The following KIAA0753 variants were observed in gnomAD, a reference collection of about 807,000 sequenced individuals.
KIAA0753 encodes KIAA0753, also known as protein moonraker.
Under a neutral mutation model 116.9 loss-of-function variants are expected in KIAA0753, and 114 were observed. The observed-to-expected ratio is 0.98, with a 90% CI of 0.84 to 1.14. KIAA0753 has a LOEUF of 1.14. Among genes scored for constraint, KIAA0753 ranks in the 50% most tolerant of loss-of-function variants. The pLI is 0.00. For synonymous variants in KIAA0753, 405 were observed against 413.1 expected, an observed-to-expected ratio of 0.98 and a Z score of 0.24; for missense variants, 1,156 against 1,172.4, an observed-to-expected ratio of 0.99 and a Z score of 0.20.
At chr17:6,625,051 C>A (rs566891546) in intron 3 of KIAA0753, among the ~76,000 whole-genome samples, 190 bp from the exon 4 acceptor site, 150 of 152,298 alleles carry the variant, frequency 9.8e-4, no homozygotes, top group African/African-American at 3.6e-3. Context: ...GAGCTGTGTA[C>A]TGACTGAGAG....
At chr17:6,602,283 A>C (rs1280981352) in intron 12 of KIAA0753, among the ~76,000 whole-genome samples, 1 of 152,264 alleles carries the variant, frequency 6.6e-6, no homozygotes, top group African/African-American at 2.4e-5. Flanking sequence ...CCCAAGAGAA[A>C]TGAAAGCATA....
At chr17:6,630,235 A>G (rs1971942944) in intron 2 of KIAA0753, among the ~76,000 whole-genome samples, 1 of 152,120 alleles carries the variant, frequency 6.6e-6, no homozygotes, top group African/African-American at 2.4e-5. Context: ...TAAGTACATA[A>G]AAAGATGTTC....
chr17:6,636,155 A>G (rs963493861), intron 1 of KIAA0753: 3 of 152,212 alleles, frequency 2.0e-5, no homozygotes, highest in African/African-American at 7.2e-5. Context: ...AAGCTTTTGA[A>G]TAAATCCAAA....
chr17:6,580,931 C>CA (rs1968130505), intron 18 of KIAA0753, among the ~76,000 whole-genome samples: 1 of 126,996 alleles, frequency 7.9e-6, no homozygotes, highest in African/African-American at 4.1e-5. Flanking sequence ...CACACACACA[C>CA]CTTCATTTTC....
chr17:6,598,783 T>C (rs1969651463), intron 14 of KIAA0753, among the ~76,000 whole-genome samples: 1 of 152,254 alleles, frequency 6.6e-6, no homozygotes, highest in Admixed American at 6.5e-5. Flanking sequence ...CACCTTTTTC[T>C]CTCTGCTAGA....
At chr17:6,607,424 C>T (rs1376700681) in intron 10 of KIAA0753, among the ~76,000 whole-genome samples, 154 bp from the exon 11 acceptor site, 1 of 152,128 alleles carries the variant, frequency 6.6e-6, no homozygotes, top group East Asian at 1.9e-4. Flanking sequence ...CTCTCCGTAC[C>T]CCTAAAGCTC....
Position 6,606,931 on chromosome 17 carries a change from T to C in KIAA0753, c.1951A>G (p.Arg651Gly), listed in dbSNP as rs1277285750. 1 of 1,614,146 alleles carries C rather than the reference T, an allele frequency of 6.2e-7. No homozygotes were observed. The highest frequency in any genetic ancestry group is 1.3e-5 in the African/African-American group (1 of 75,054). The change falls in exon 12 of 19, where the codon AGA becomes GGA. Residue 651 changes from arginine (R) to glycine (G), a missense_variant. Physicochemically the swap from Arg to Gly is moderately radical, Grantham distance 125. Transcript: ENST00000361413. ...TTGAGCTCATTCAGTTCCTTTGTTC[T>C]TCTAGAAGTTTCAGCATCAAGCCAA... ...LDWLDAETSR[R>G]TKELNELKAE... is the part of the protein sequence containing the mutation.
chr17:6,612,838 A>T (rs1435005591), intron 7 of KIAA0753, among the ~76,000 whole-genome samples: 1 of 152,250 alleles, frequency 6.6e-6, no homozygotes, highest in Non-Finnish European at 1.5e-5. Context: ...ATTGCACTCC[A>T]GCCTGAGGGA....
At chr17:6,590,971 T>C (rs1012427387) in intron 16 of KIAA0753, among the ~76,000 whole-genome samples, 3 of 138,772 alleles carry the variant, frequency 2.2e-5, no homozygotes, top group East Asian at 2.1e-4. Flanking sequence ...AACCTTTAAA[T>C]GCGAAGAAGA....
At chr17:6,599,430 G>T in intron 13 of KIAA0753, 110 bp from the exon 14 acceptor site, 2 of 712,572 alleles carry the variant, frequency 2.8e-6, no homozygotes, top group Non-Finnish European at 2.4e-6. Context: ...ATCAGCTTTA[G>T]CTACATTAGG....
At chr17:6,636,459 C>A (rs1972325599) in intron 1 of KIAA0753, 1 of 152,150 alleles carries the variant, frequency 6.6e-6, no homozygotes, top group Non-Finnish European at 1.5e-5. Flanking sequence ...TAGAAAAAAA[C>A]TAGGTGATCC....
At chr17:6,615,644 C>T (rs1470266472) in intron 7 of KIAA0753, among the ~76,000 whole-genome samples, 1 of 122,446 alleles carries the variant, frequency 8.2e-6, no homozygotes, top group Non-Finnish European at 1.7e-5. Flanking sequence ...AAAAAAAAAC[C>T]TAAATCCTCA....
intron 4 of KIAA0753, chr17:6,624,150 T>A (rs1420290488): frequency 1.3e-5 from 2 of 152,522 alleles, no homozygotes; most frequent in African/African-American, 2.4e-5. Context: ...TACTAATGTA[T>A]AAGGCATGAA....
chr17:6,592,979 C>T (rs143950692), intron 16 of KIAA0753, among the ~76,000 whole-genome samples: 217 of 152,068 alleles, frequency 1.4e-3, no homozygotes, highest in Non-Finnish European at 2.6e-3. Context: ...GAAAATGTTC[C>T]AGAATTAGTT....
intron 15 of KIAA0753, among the ~76,000 whole-genome samples, chr17:6,595,521 T>C (rs1186956688): frequency 6.6e-6 from 1 of 152,220 alleles, no homozygotes; most frequent in Non-Finnish European, 1.5e-5. Context: ...CTTCTAATGT[T>C]TCTATCTAGC....
intron 17 of KIAA0753, 22 bp from the exon 18 acceptor site, chr17:6,590,025 G>A: frequency 1.3e-6 from 2 of 1,499,560 alleles, no homozygotes; most frequent in East Asian, 2.3e-5. Context: ...TAAAAATGAT[G>A]AAAGCATTCA....
At chr17:6,594,934 A>G (rs773119519) in intron 16 of KIAA0753, 38 bp downstream of exon 16, 17 of 1,497,022 alleles carry the variant, frequency 1.1e-5, no homozygotes, top group Non-Finnish European at 1.5e-5. Context: ...AATTCTTCAG[A>G]ATAAAATGTT....
chr17:6,626,066 T>G (rs532665511), intron 3 of KIAA0753, among the ~76,000 whole-genome samples: 1 of 152,238 alleles, frequency 6.6e-6, no homozygotes, highest in Non-Finnish European at 1.5e-5. Flanking sequence ...CTCAAAATTA[T>G]TTGAGTGTCT....
intron 7 of KIAA0753, among the ~76,000 whole-genome samples, chr17:6,619,593 C>T (rs955722690): frequency 2.0e-5 from 3 of 151,994 alleles, no homozygotes; most frequent in Non-Finnish European, 4.4e-5. Flanking sequence ...CTCCCGGCTA[C>T]TTTTTGCATT....
Sources: allele counts gnomAD v4.1 joint callset (sites outside exome capture counted in the v4.1 genomes callset), GRCh38; gene constraint gnomAD v4.1.1; transcripts MANE v1.5; gene names NCBI Gene and HGNC (gene_info 2026-07-23, HGNC 2026-07-21).